Variants in DROSHA observed in about 807,000 individuals in gnomAD.
DROSHA encodes drosha ribonuclease III, also known as ribonuclease 3.
DROSHA carries 56 observed loss-of-function variants against 181.9 expected under a neutral mutation model. The ratio of observed to expected loss-of-function variants is 0.31; its 90% CI spans 0.25 to 0.38. DROSHA has a LOEUF of 0.38. Ranked by LOEUF, DROSHA falls within the 10% of genes least tolerant of loss-of-function variation. The probability of loss-of-function intolerance (pLI) is 1.00; values close to 1 mark genes in which losing one functional copy is unlikely to be tolerated. For synonymous variants in DROSHA, 524 were observed against 591.2 expected, an observed-to-expected ratio of 0.89 and a Z score of 1.65; for missense variants, 1,218 against 1,743.5, an observed-to-expected ratio of 0.70 and a Z score of 5.37.
At chr5:31,425,284 T>C (rs996934882) in intron 27 of DROSHA, among the ~76,000 whole-genome samples, 6 of 152,086 alleles carry the variant, frequency 3.9e-5, no homozygotes, top group African/African-American at 1.4e-4. Context: ...AAAAGTAAAA[T>C]ACCTAATATT....
intron 5 of DROSHA, among the ~76,000 whole-genome samples, chr5:31,525,456 A>T (rs768891363): frequency 1.4e-5 from 2 of 145,772 alleles, no homozygotes; most frequent in Non-Finnish European, 3.0e-5. Context: ...GTGAGCTGAG[A>T]TCTCGCCATT....
intron 1 of DROSHA, among the ~76,000 whole-genome samples, chr5:31,531,748 C>A (rs1741428594): frequency 6.6e-6 from 1 of 152,154 alleles, no homozygotes; most frequent in South Asian, 2.1e-4. Flanking sequence ...GAGAGCCGGG[C>A]GGCCCCAGGC....
intron 4 of DROSHA, 94 bp from the exon 5 acceptor site, chr5:31,527,006 G>T: frequency 1.7e-6 from 2 of 1,159,634 alleles, no homozygotes; most frequent in Non-Finnish European, 2.4e-6. Flanking sequence ...ATCTTGATGA[G>T]CAACTCAAAG....
intron 16 of DROSHA, among the ~76,000 whole-genome samples, chr5:31,473,662 A>C (rs967497294): frequency 9.9e-5 from 15 of 152,246 alleles, no homozygotes; most frequent in Admixed American, 2.6e-4. Flanking sequence ...CAGGACAAGG[A>C]ACTAGAGTTG....
At chr5:31,464,729 C>A (rs73746804) in intron 19 of DROSHA, among the ~76,000 whole-genome samples, 1 of 151,652 alleles carries the variant, frequency 6.6e-6, no homozygotes, top group South Asian at 2.1e-4. Context: ...AATTAACCTG[C>A]GACCCACATA....
In DROSHA at chr5:31,530,901, C is replaced by A; in HGVS notation, c.-150G>T. ...GTTGATTCACAGTCATTTCTGTATC[C>A]TTCACATCCCCGGGAAAAGCAACCT... On this transcript the variant is annotated 5_prime_UTR_variant, in exon 3 of 36. In the 5' UTR this introduces an upstream ATG that the reference lacks. Coordinates refer to ENST00000344624, the MANE Select transcript of DROSHA (RefSeq NM_001382508.1). 2.5e-6 allele frequency: 1 copy of A among 398,566 alleles called. No individual in the cohort carries two copies. The allele number at this position is 398,566 out of a possible 1,614,324, so 24.7% of individuals were successfully genotyped here. A position where few individuals can be genotyped will look rare whatever the true frequency, so the allele number is the denominator to read the frequency against.
At chr5:31,446,320 G>A (rs1002173449) in intron 23 of DROSHA, among the ~76,000 whole-genome samples, 12 of 151,802 alleles carry the variant, frequency 7.9e-5, no homozygotes, top group African/African-American at 1.4e-4. Context: ...GGTGGCGGGC[G>A]CCTGTAGTCC....
At chr5:31,402,463 A>C (rs773212957) in intron 35 of DROSHA, among the ~76,000 whole-genome samples, 3 of 152,080 alleles carry the variant, frequency 2.0e-5, no homozygotes, top group African/African-American at 7.3e-5. Flanking sequence ...ATTATTGTTC[A>C]ATTTTATTTA....
chr5:31,410,185 G>T (rs1213062439), intron 31 of DROSHA, among the ~76,000 whole-genome samples: 1 of 151,854 alleles, frequency 6.6e-6, no homozygotes, highest in Non-Finnish European at 1.5e-5. Flanking sequence ...AAGTTCTAAG[G>T]CTCAGTGAAT....
At chr5:31,529,734 C>CAAAAAAAAAAAACAAAAAAAAAAA (rs1741031817) in intron 3 of DROSHA, among the ~76,000 whole-genome samples, 2 of 91,330 alleles carry the variant, frequency 2.2e-5, no homozygotes, top group Admixed American at 1.1e-4. Flanking sequence ...AAAAAACAAA[C>CAAAAAAAAAAAACAAAAAAAAAAA]AAAAAAAAAA....
intron 17 of DROSHA, 51 bp from the exon 18 acceptor site, chr5:31,468,114 T>G (rs1418133380): frequency 6.4e-7 from 1 of 1,567,568 alleles, no homozygotes; most frequent in African/African-American, 1.3e-5. Context: ...CTTTATGTAT[T>G]GACTTTAACC....
chr5:31,408,441 T>G (rs1740909763), intron 33 of DROSHA, among the ~76,000 whole-genome samples: 1 of 152,226 alleles, frequency 6.6e-6, no homozygotes, highest in African/African-American at 2.4e-5. Context: ...TTACTCTACT[T>G]CAGAGCTGAA....
At chr5:31,477,908 C>G (rs1750597047) in intron 16 of DROSHA, among the ~76,000 whole-genome samples, 1 of 152,102 alleles carries the variant, frequency 6.6e-6, no homozygotes, top group South Asian at 2.1e-4. Context: ...GTAAACTGGT[C>G]AACATTGAAT....
At chr5:31,509,427 T>C (rs565079299) in intron 9 of DROSHA, among the ~76,000 whole-genome samples, 4 of 152,154 alleles carry the variant, frequency 2.6e-5, no homozygotes, top group Non-Finnish European at 5.9e-5. Context: ...GCAGTTTCAC[T>C]GGGATCCAGA....
intron 23 of DROSHA, among the ~76,000 whole-genome samples, chr5:31,437,903 C>G (rs992010166): frequency 2.6e-5 from 4 of 152,122 alleles, no homozygotes; most frequent in Admixed American, 2.6e-4. Context: ...CACCCTAGAG[C>G]CTTCCACTCT....
At chr5:31,527,016 G>A in intron 4 of DROSHA, 104 bp from the exon 5 acceptor site, 2 of 1,080,640 alleles carry the variant, frequency 1.9e-6, no homozygotes, top group Non-Finnish European at 1.3e-6. Flanking sequence ...GCAACTCAAA[G>A]ACCCCCTAGT....
chr5:31,511,707 A>AT (rs1386035924), intron 8 of DROSHA, among the ~76,000 whole-genome samples: 1 of 151,768 alleles, frequency 6.6e-6, no homozygotes, highest in Admixed American at 6.6e-5. Flanking sequence ...CTAAAAAAAA[A>AT]AAAACAGAAA....
intron 20 of DROSHA, among the ~76,000 whole-genome samples, chr5:31,454,100 G>A (rs1747359250): frequency 1.3e-5 from 2 of 152,300 alleles, no homozygotes; most frequent in South Asian, 2.1e-4. Flanking sequence ...CTGTGTGAGA[G>A]AAGAGAGGCA....
At chr5:31,408,090 A>C (rs952773511) in intron 33 of DROSHA, among the ~76,000 whole-genome samples, 1 of 152,174 alleles carries the variant, frequency 6.6e-6, no homozygotes, top group Non-Finnish European at 1.5e-5. Context: ...TCTCTTTAGC[A>C]AAAAGGCCTA....
Sources: gnomAD v4.1 joint callset for allele counts (sites outside exome capture counted in the v4.1 genomes callset) on GRCh38, gnomAD v4.1.1 for gene constraint, MANE v1.5 for transcripts, NCBI Gene and HGNC (gene_info 2026-07-23, HGNC 2026-07-21) for gene names.